LPCAT1: variants seen among roughly 807,000 people sequenced by gnomAD.
LPCAT1 encodes the protein lysophosphatidylcholine acyltransferase 1.
A neutral mutation model predicts 60.9 loss-of-function variants in LPCAT1; 23 were observed. The ratio of observed to expected loss-of-function variants is 0.38; its 90% CI spans 0.27 to 0.53. LPCAT1 has a LOEUF of 0.53. Among genes scored for constraint, LPCAT1 ranks in the 20% least tolerant of loss-of-function variants. The pLI is 0.82. For missense variants in LPCAT1, 622 were observed against 723.6 expected (o/e 0.86, Z 1.61); for synonymous variants, 340 against 301.1 (o/e 1.13, Z -1.34).
chr5:1,518,619 C>T lies in LPCAT1; in HGVS notation c.135+5091G>A, dbSNP rs542295308. On this transcript the variant is annotated intron_variant, in intron 1 of 13. Coordinates refer to ENST00000283415, the MANE Select transcript of LPCAT1 (RefSeq NM_024830.5). ...CCTCCCAAAGTGCTGGGATTACAGG[C>T]GTGAGCCGTTGCGCCCGGCCCACAG... Among the ~76,000 whole-genome samples, 47 of 152,368 alleles carry T rather than the reference C, an allele frequency of 3.1e-4. 1 individual carries two copies. In the South Asian group the frequency reaches 9.5e-3, roughly 31 times the overall value.
intron 5 of LPCAT1, among the ~76,000 whole-genome samples, chr5:1,484,325 C>G (rs1028956625): frequency 6.6e-6 from 1 of 152,264 alleles, no homozygotes; most frequent in Non-Finnish European, 1.5e-5. Context: ...CGGGCTGGAG[C>G]AAGGCACCAT....
intron 2 of LPCAT1, among the ~76,000 whole-genome samples, chr5:1,497,295 C>T (rs375831088): frequency 3.9e-5 from 6 of 152,234 alleles, no homozygotes; most frequent in South Asian, 2.1e-4. Context: ...GGAGGAAGGC[C>T]GCTGAGGCCT....
Position 1,463,987 on chromosome 5 carries a change from GAGA to G in LPCAT1, c.1421-155_1421-153del, listed in dbSNP as rs1221853889. ...GTGAAACGGATGCTTTCAGGGTGGA[GAGA>G]AGAACTTGCGCTTACTTTCTTTGCA... On this transcript the variant is annotated intron_variant, in intron 13 of 13. Transcript: ENST00000283415. 17 of 807,820 alleles carry G rather than the reference GAGA, an allele frequency of 2.1e-5. No homozygotes were observed. In the East Asian group the frequency reaches 2.8e-4, roughly 13 times the overall value. The allele number at this position is 807,820 out of a possible 1,614,324, so 50.0% of individuals were successfully genotyped here. A position where few individuals can be genotyped will look rare whatever the true frequency, so the allele number is the denominator to read the frequency against.
rs116178672 is a variant in LPCAT1 at position 1,487,173 on chromosome 5, C to T, written c.667+1218G>A. Among the ~76,000 whole-genome samples the T allele has an allele frequency of 0.013, 1,975 of 152,350 alleles. 51 individuals carry two copies. The highest frequency in any genetic ancestry group is 0.044 in the African/African-American group (1,834 of 41,580). On this transcript the variant is annotated intron_variant, in intron 5 of 13. Transcript: ENST00000283415. This position sits in a 1 kb window ranked among gnomAD's most constrained non-coding sequence, Gnocchi z 6.1. ...CACCTTGTCAAGGAACAAGACCTGA[C>T]GTACTTGCCAGCTGTCTTCTGCCTG...
intron 2 of LPCAT1, among the ~76,000 whole-genome samples, chr5:1,499,179 G>C (rs765601616): frequency 6.6e-6 from 1 of 152,220 alleles, no homozygotes; most frequent in Non-Finnish European, 1.5e-5. Context: ...GACAAGAAAA[G>C]CCACCAGGGT....
chr5:1,489,484 T>C (rs1735493246), intron 4 of LPCAT1, among the ~76,000 whole-genome samples: 1 of 152,220 alleles, frequency 6.6e-6, no homozygotes, highest in South Asian at 2.1e-4. Flanking sequence ...CAATGCTCTA[T>C]CTGAGTCAGA....
At position 1,494,680 on chromosome 5, in the gene LPCAT1, A is replaced by G; in HGVS notation, c.493+20T>C. 4 of 1,609,058 alleles carry G rather than the reference A, an allele frequency of 2.5e-6. No individual in the cohort carries two copies. Among genetic ancestry groups the G allele is most frequent in the Non-Finnish European group, 3.4e-6 (4 of 1,175,408 alleles). The stretch of plus-strand genomic sequence containing the variant: ...CAGCAGGGCAGGGTCCCTCACTCCC[A>G]GCAGGGGTGTCTCACTCACTTCCCC... On this transcript the variant is annotated intron_variant, in intron 3 of 13. Coordinates refer to ENST00000283415, the MANE Select transcript of LPCAT1 (RefSeq NM_024830.5).
intron 12 of LPCAT1, among the ~76,000 whole-genome samples, chr5:1,470,577 C>T (rs72717518): frequency 0.18 from 27,484 of 152,170 alleles, 2,988 homozygotes; most frequent in Non-Finnish European, 0.25. Flanking sequence ...ACCCAGGTGC[C>T]CCAGGACCCA....
chr5:1,482,825 G>A (rs1735213407), intron 6 of LPCAT1, among the ~76,000 whole-genome samples: 1 of 152,200 alleles, frequency 6.6e-6, no homozygotes, highest in Middle Eastern at 3.4e-3. Flanking sequence ...CTGAGGCCTC[G>A]TCCAGACTTT....
chr5:1,489,732 G>T lies in LPCAT1; in HGVS notation c.606+14C>A. 2 of 1,546,288 alleles carry T rather than the reference G, an allele frequency of 1.3e-6. No homozygotes were observed. Among genetic ancestry groups the T allele is most frequent in the Non-Finnish European group, 8.9e-7 (1 of 1,117,984 alleles). ...ATAAAACCACTGAAACACAATCAGGGCTACGTGCATTACCTGTGGCCACTT... is the reference window on the plus strand; with the variant it reads ...ATAAAACCACTGAAACACAATCAGGTCTACGTGCATTACCTGTGGCCACTT... On this transcript the variant is annotated intron_variant, in intron 4 of 13. Coordinates refer to ENST00000283415, the MANE Select transcript of LPCAT1 (RefSeq NM_024830.5).
rs544666670 is a variant in LPCAT1, at chr5:1,516,632, C to CA, written c.135+7077_135+7078insT. Among the ~76,000 whole-genome samples the CA allele has an allele frequency of 5.3e-3, 782 of 146,964 alleles. 7 individuals are homozygous for CA. Among genetic ancestry groups the CA allele is most frequent in the Non-Finnish European group, 9.1e-3 (603 of 66,174 alleles). ...GGAGAGAAACTGTTTTCTTTCTTTC[C>CA]TTTTTTTTTTTTAAGCTTGTATGTG... On this transcript the variant is annotated intron_variant, in intron 1 of 13. Transcript: ENST00000283415.
At chr5:1,466,191 C>T (rs566655807) in intron 13 of LPCAT1, among the ~76,000 whole-genome samples, 1 of 152,326 alleles carries the variant, frequency 6.6e-6, no homozygotes, top group Admixed American at 6.5e-5. Flanking sequence ...TTTTGCACAG[C>T]AATTTAAAAA....
chr5:1,514,338 C>A (rs1484315798), intron 1 of LPCAT1, among the ~76,000 whole-genome samples: 2 of 152,226 alleles, frequency 1.3e-5, no homozygotes, highest in Non-Finnish European at 2.9e-5. Context: ...CACAGCAGCA[C>A]GAGGGGCCAT....
rs767971999 is a variant in LPCAT1 at position 1,470,894 on chromosome 5, A to T, written c.1210T>A (p.Cys404Ser). ...CAGACGACAGACAGGGCAACCACAC[A>T]CTCTCGCAGGTCCACCTCGCCGCTG... ...SGSGEVDLRE[C>S]VVALSVVCRP... Residue 404 changes from cysteine (C) to serine (S), a missense_variant, in exon 12 of 14, where the codon TGT becomes AGT. Transcript: ENST00000283415. The T allele has an allele frequency of 1.2e-6, 2 of 1,612,574 alleles. No homozygotes were observed. The highest frequency in any genetic ancestry group is 1.7e-6 in the Non-Finnish European group (2 of 1,179,830).
At position 1,522,320 on chromosome 5, in the gene LPCAT1, G is replaced by A. The variant is rs1579823228; in HGVS notation, c.135+1390C>T. Reference sequence around the variant, plus strand: ...GTTGAGGGGCACAGAATGAGCGACCGTGTCCCAAGTCCTCCTTTGAGGGGC... The same window carrying A: ...GTTGAGGGGCACAGAATGAGCGACCATGTCCCAAGTCCTCCTTTGAGGGGC... On this transcript the variant is annotated intron_variant, in intron 1 of 13. Transcript: ENST00000283415. The surrounding 1 kb of genome is among the most constrained non-coding windows in gnomAD (Gnocchi z 6.8). 1.3e-5 allele frequency among the ~76,000 whole-genome samples: 2 copies of A among 152,138 alleles called. No individual in the cohort carries two copies. Among genetic ancestry groups the A allele is most frequent in the African/African-American group, 2.4e-5 (1 of 41,430 alleles).
At chr5:1,472,587 G>A (rs979911395) in intron 11 of LPCAT1, among the ~76,000 whole-genome samples, 1 of 152,206 alleles carries the variant, frequency 6.6e-6, no homozygotes, top group African/African-American at 2.4e-5. Context: ...AAAATTAACT[G>A]CACAGTGTCA....
At chr5:1,510,089 T>G (rs192358650) in intron 1 of LPCAT1, among the ~76,000 whole-genome samples, 146 of 152,330 alleles carry the variant, frequency 9.6e-4, no homozygotes, top group African/African-American at 3.3e-3. Context: ...TGGGTTTCTT[T>G]GTCTTTTTCT....
At position 1,522,151 on chromosome 5, in the gene LPCAT1, G is replaced by A. The variant is rs953785029; in HGVS notation, c.135+1559C>T. On this transcript the variant is annotated intron_variant, in intron 1 of 13. Transcript: ENST00000283415. The surrounding 1 kb of genome is among the most constrained non-coding windows in gnomAD (Gnocchi z 6.8). Reference sequence around the variant, plus strand: ...GCCCTGGAAACCACAGCAGGGGTTCGAATTTCATCCGGGGGCGTCCCCGCT... The same window carrying A: ...GCCCTGGAAACCACAGCAGGGGTTCAAATTTCATCCGGGGGCGTCCCCGCT... Among the ~76,000 whole-genome samples, 16 of 152,172 alleles carry A rather than the reference G, an allele frequency of 1.1e-4. No individual in the cohort carries two copies. The highest frequency in any genetic ancestry group is 3.9e-4 in the African/African-American group (16 of 41,442).
chr5:1,471,937 A>G (rs7712950), intron 11 of LPCAT1, among the ~76,000 whole-genome samples: 1 of 51,956 alleles, frequency 1.9e-5, no homozygotes, highest in African/African-American at 9.8e-5. Context: ...TTTTGGCCAG[A>G]GAGCAGGAGG....
Sources: gnomAD v4.1 joint callset for allele counts (sites outside exome capture counted in the v4.1 genomes callset) on GRCh38, gnomAD v4.1.1 for gene constraint, Gnocchi (gnomAD v3.1) non-coding constraint, MANE v1.5 for transcripts, NCBI Gene and HGNC (gene_info 2026-07-23, HGNC 2026-07-21) for gene names.